The following CUBN variants were observed in gnomAD, a reference collection of about 807,000 sequenced individuals.
The protein encoded by CUBN is cubilin, also known as 460 kDa receptor.
A neutral mutation model predicts 405.3 loss-of-function variants in CUBN; 282 were observed. The ratio of observed to expected loss-of-function variants is 0.70; its 90% confidence interval spans 0.63 to 0.77. The LOEUF (loss-of-function observed/expected upper bound fraction) is 0.77. Ranked by LOEUF, CUBN falls within the 30% of genes least tolerant of loss-of-function variation. The pLI is 0.00. For synonymous variants in CUBN, 1,684 were observed against 1,617.0 expected, an observed-to-expected ratio of 1.04 and a Z score of -0.99; for missense variants, 4,514 against 4,475.2, an observed-to-expected ratio of 1.01 and a Z score of -0.25.
chr10:17,117,682 G>A (rs753840701), intron 6 of CUBN, among the ~76,000 whole-genome samples: 9 of 152,040 alleles, frequency 5.9e-5, no homozygotes, highest in Admixed American at 1.3e-4. Context: ...TGCCCACCTC[G>A]GCCTCCCAAA....
chr10:16,834,721 G>T (rs1160220688), intron 64 of CUBN, among the ~76,000 whole-genome samples: 1 of 152,052 alleles, frequency 6.6e-6, no homozygotes, highest in Non-Finnish European at 1.5e-5. Flanking sequence ...ACTGAGTTAG[G>T]AACCCCAACC....
At chr10:16,891,599 G>A (rs1418574746) in intron 54 of CUBN, among the ~76,000 whole-genome samples, 5 of 152,066 alleles carry the variant, frequency 3.3e-5, no homozygotes, top group Admixed American at 3.3e-4. Context: ...AAAGGATGCC[G>A]GAAAACAGTC....
chr10:17,007,409 G>A (rs1039125447), intron 28 of CUBN, among the ~76,000 whole-genome samples: 15 of 152,172 alleles, frequency 9.9e-5, no homozygotes, highest in Admixed American at 2.0e-4. Flanking sequence ...ATAAAGCCTC[G>A]TTGTAGATCC....
In CUBN at chr10:16,915,998, C is replaced by A. The variant is rs773678740; in HGVS notation, c.7033G>T (p.Gly2345Cys). Residue 2345 changes from glycine to cysteine, a missense_variant, in exon 46 of 67, where the codon GGT becomes TGT. Coordinates refer to ENST00000377833, the MANE Select transcript of CUBN (RefSeq NM_001081.4). ...QCGGRVPGQSGVVESIGHPTL... is the reference protein window; with the variant it reads ...QCGGRVPGQSCVVESIGHPTL... ...GGATGTCCAATGCTTTCAACAACAC[C>A]ACTTTGCCCTGGTACTCTTCCCCCA... 6.2e-7 allele frequency: 1 copy of A among 1,614,004 alleles called. No individual in the cohort carries two copies. The highest frequency in any genetic ancestry group is 8.5e-7 in the Non-Finnish European group (1 of 1,179,978).
At chr10:17,027,300 GTGA>G (rs1834694292) in intron 27 of CUBN, among the ~76,000 whole-genome samples, 2 of 152,162 alleles carry the variant, frequency 1.3e-5, no homozygotes, top group Non-Finnish European at 2.9e-5. Flanking sequence ...TGGCTGTATT[GTGA>G]TGATGGGATG....
intron 54 of CUBN, among the ~76,000 whole-genome samples, chr10:16,896,376 A>T (rs780815): frequency 0.7 from 106,740 of 152,024 alleles, 37,853 homozygotes; most frequent in Middle Eastern, 0.79. Flanking sequence ...TGTTTAGTTT[A>T]CCTTCATATG....
chr10:16,914,500 A>C (rs1281177210), intron 47 of CUBN, among the ~76,000 whole-genome samples: 1 of 152,122 alleles, frequency 6.6e-6, no homozygotes, highest in Non-Finnish European at 1.5e-5. Flanking sequence ...CAGAGGTTGC[A>C]GTGAGCTGAT....
intron 22 of CUBN, among the ~76,000 whole-genome samples, chr10:17,059,214 A>G (rs1588617044): frequency 6.6e-6 from 1 of 152,230 alleles, no homozygotes; most frequent in South Asian, 2.1e-4. Flanking sequence ...AAAACTCACA[A>G]TGTATCTTTG....
At chr10:17,102,080 GCAGT>G (rs986498454) in intron 13 of CUBN, among the ~76,000 whole-genome samples, 4 of 152,198 alleles carry the variant, frequency 2.6e-5, no homozygotes, top group South Asian at 2.1e-4. Context: ...CTAGTGGCTT[GCAGT>G]CAGTCAACCA....
intron 38 of CUBN, 94 bp downstream of exon 38, chr10:16,938,869 T>C: frequency 8.8e-7 from 1 of 1,141,030 alleles, no homozygotes; most frequent in South Asian, 1.2e-5. Context: ...TCCCACATGA[T>C]TTGCAAATGC....
chr10:16,952,190 T>A (rs566876572), intron 33 of CUBN, 86 bp downstream of exon 33: 2 of 911,300 alleles, frequency 2.2e-6, no homozygotes, highest in East Asian at 4.9e-5. Flanking sequence ...TTGTTAGCAC[T>A]GAGATAAGAA....
rs191783648 is a variant in CUBN at position 16,921,456 on chromosome 10, C to G, written c.6647-1319G>C. ...TGTCTGTCTGTCTCTCTCCTTCTCT[C>G]TTTTTGCCCTTCCTTCTTCAACCCT... On this transcript the variant is annotated intron_variant, in intron 43 of 66. Coordinates refer to ENST00000377833, the MANE Select transcript of CUBN (RefSeq NM_001081.4). Among the ~76,000 whole-genome samples the G allele has an allele frequency of 2.6e-4, 40 of 152,314 alleles. 1 individual carries two copies. The highest frequency in any genetic ancestry group is 2.6e-3 in the Admixed American group (40 of 15,290).
At chr10:16,991,827 G>C (rs1833598128) in intron 28 of CUBN, among the ~76,000 whole-genome samples, 1 of 152,114 alleles carries the variant, frequency 6.6e-6, no homozygotes, top group African/African-American at 2.4e-5. Context: ...GTGGAAGTCA[G>C]TGTGGCAATT....
chr10:17,032,571 T>C (rs143015472), intron 27 of CUBN, among the ~76,000 whole-genome samples: 1 of 152,308 alleles, frequency 6.6e-6, no homozygotes, highest in African/African-American at 2.4e-5. Flanking sequence ...ATCAAAGTAT[T>C]GGTAGTAGTG....
chr10:16,995,085 C>T (rs771042680), intron 28 of CUBN, among the ~76,000 whole-genome samples: 2 of 152,032 alleles, frequency 1.3e-5, no homozygotes, highest in African/African-American at 2.4e-5. Context: ...AGCAAGACCC[C>T]GTCTCAAAAA....
intron 32 of CUBN, among the ~76,000 whole-genome samples, chr10:16,953,295 T>C (rs1045842397): frequency 2.0e-5 from 3 of 152,100 alleles, no homozygotes; most frequent in Non-Finnish European, 4.4e-5. Flanking sequence ...AGGAAACTAG[T>C]TTTTCTTTAA....
At chr10:16,871,912 C>T (rs1022518665) in intron 58 of CUBN, among the ~76,000 whole-genome samples, 2 of 152,062 alleles carry the variant, frequency 1.3e-5, no homozygotes, top group African/African-American at 4.8e-5. Context: ...TCTTAGTGCG[C>T]AATAAATAAT....
chr10:17,003,734 T>A (rs1833948446), intron 28 of CUBN, among the ~76,000 whole-genome samples: 1 of 152,092 alleles, frequency 6.6e-6, no homozygotes, highest in African/African-American at 2.4e-5. Context: ...AGCCCTTGAG[T>A]GTCTTTGCTG....
At chr10:17,107,191 G>A (rs1240080740) in intron 10 of CUBN, among the ~76,000 whole-genome samples, 1 of 152,188 alleles carries the variant, frequency 6.6e-6, no homozygotes, top group East Asian at 1.9e-4. Context: ...CTTACGCAAT[G>A]TTAGGTTAAA....
Sources: allele counts gnomAD v4.1 joint callset (sites outside exome capture counted in the v4.1 genomes callset), GRCh38; gene constraint gnomAD v4.1.1; transcripts MANE v1.5; gene names NCBI Gene and HGNC (gene_info 2026-07-23, HGNC 2026-07-21).